The following SPOCK3 variants were observed in gnomAD, a reference collection of about 807,000 sequenced individuals.
SPOCK3 encodes the protein SPARC (osteonectin), cwcv and kazal like domains proteoglycan 3.
A neutral mutation model predicts 56.6 loss-of-function variants in SPOCK3; 30 were observed. The observed-to-expected ratio is 0.53, with a 90% CI of 0.40 to 0.72. The LOEUF (loss-of-function observed/expected upper bound fraction) is 0.72. Ranked by LOEUF, SPOCK3 falls within the 30% of genes least tolerant of loss-of-function variation. SPOCK3 has a pLI of 0.00. For synonymous variants in SPOCK3, 196 were observed against 183.3 expected (o/e 1.07, Z -0.56); for missense variants, 527 against 530.0 (o/e 0.99, Z 0.06).
At chr4:166,903,364 T>A (rs1201090166) in intron 5 of SPOCK3, among the ~76,000 whole-genome samples, 1 of 151,818 alleles carries the variant, frequency 6.6e-6, no homozygotes, top group Non-Finnish European at 1.5e-5. Context: ...TCTGCTCAGC[T>A]GTAGTGTAAT....
chr4:166,955,890 A>G (rs1466463085), intron 4 of SPOCK3, among the ~76,000 whole-genome samples: 1 of 151,774 alleles, frequency 6.6e-6, no homozygotes, highest in East Asian at 1.9e-4. Flanking sequence ...TTTCCTGGAA[A>G]GCGTTCATTT....
rs77432306 is a variant in SPOCK3 at position 166,868,377 on chromosome 4, G to A, written c.589+20753C>T. 4.8e-3 allele frequency among the ~76,000 whole-genome samples: 733 copies of A among 151,996 alleles called. 7 individuals carry two copies. Among genetic ancestry groups the A allele is most frequent in the South Asian group, 0.023 (111 of 4,820 alleles). ...CAGGAGGCTGGGGTGGGAGGATTGC[G>A]TAGGCCCAGGAATAGAGGCTATGGT... On this transcript the variant is annotated intron_variant, in intron 6 of 10. Coordinates refer to ENST00000357545, the MANE Select transcript of SPOCK3 (RefSeq NM_001040159.2).
chr4:167,182,193 T>C (rs1482477814), intron 2 of SPOCK3, among the ~76,000 whole-genome samples: 5 of 152,168 alleles, frequency 3.3e-5, no homozygotes, highest in Non-Finnish European at 7.3e-5. Context: ...AACTTTTTTT[T>C]CCCTTGGTTA....
chr4:166,864,317 T>C (rs1731554077), intron 6 of SPOCK3, among the ~76,000 whole-genome samples: 1 of 151,988 alleles, frequency 6.6e-6, no homozygotes, highest in Non-Finnish European at 1.5e-5. Context: ...TAAATGCCCA[T>C]ATCAGAAGGC....
chr4:167,116,436 AT>A (rs1319464516), intron 2 of SPOCK3, among the ~76,000 whole-genome samples: 2 of 144,160 alleles, frequency 1.4e-5, no homozygotes, highest in African/African-American at 5.1e-5. Flanking sequence ...CACTTTTGTA[AT>A]ATATATATAC....
intron 2 of SPOCK3, among the ~76,000 whole-genome samples, chr4:167,207,962 C>T (rs1288771372): frequency 6.6e-6 from 1 of 152,112 alleles, no homozygotes; most frequent in Admixed American, 6.6e-5. Flanking sequence ...CATTTTAATG[C>T]TAAGCCAAGG....
chr4:167,005,101 T>C (rs1437989985), intron 3 of SPOCK3, among the ~76,000 whole-genome samples: 1 of 152,164 alleles, frequency 6.6e-6, no homozygotes, highest in Non-Finnish European at 1.5e-5. Context: ...CCAACTCTCT[T>C]ATCTTCTTCC....
intron 4 of SPOCK3, among the ~76,000 whole-genome samples, chr4:166,969,962 T>C (rs1000240463): frequency 3.3e-5 from 5 of 152,230 alleles, no homozygotes; most frequent in Non-Finnish European, 7.3e-5. Flanking sequence ...TCTATGTCAA[T>C]ATACACAAAA....
intron 6 of SPOCK3, among the ~76,000 whole-genome samples, chr4:166,879,556 G>C (rs1433836917): frequency 1.3e-5 from 2 of 152,118 alleles, no homozygotes; most frequent in Non-Finnish European, 2.9e-5. Flanking sequence ...AGAACTAAAT[G>C]AAATGACAAA....
At chr4:166,736,915 C>T (rs1734271756) in intron 10 of SPOCK3, among the ~76,000 whole-genome samples, 1 of 152,002 alleles carries the variant, frequency 6.6e-6, no homozygotes, top group Admixed American at 6.6e-5. Context: ...ATGCATGTTC[C>T]TAAAAAAGAA....
In SPOCK3 at chr4:167,103,764, G is replaced by A. The variant is rs545031576; in HGVS notation, c.190-41227C>T. Among the ~76,000 whole-genome samples, 29 of 152,218 alleles carry A rather than the reference G, an allele frequency of 1.9e-4. No homozygotes were observed. The South Asian group carries it at 3.3e-3, about 17-fold the overall frequency. Reference sequence around the variant, plus strand: ...CAAACATAGGCAGTAGCCAGGTAGCGGTTACCATGGGCCTTTGGTGAGACT... The same window carrying A: ...CAAACATAGGCAGTAGCCAGGTAGCAGTTACCATGGGCCTTTGGTGAGACT... On this transcript the variant is annotated intron_variant, in intron 2 of 10. Transcript: ENST00000357545.
At chr4:167,010,324 T>C (rs1749905141) in intron 3 of SPOCK3, among the ~76,000 whole-genome samples, 1 of 151,850 alleles carries the variant, frequency 6.6e-6, no homozygotes. Context: ...AGTTTGAGGC[T>C]ACCCTGGGCA....
intron 3 of SPOCK3, among the ~76,000 whole-genome samples, chr4:167,014,490 A>T (rs976426082): frequency 1.3e-4 from 20 of 152,024 alleles, no homozygotes; most frequent in Non-Finnish European, 2.9e-5. Flanking sequence ...ATCAAAAAAT[A>T]AAATAAAATA....
At chr4:167,014,640 G>C (rs1750429917) in intron 3 of SPOCK3, among the ~76,000 whole-genome samples, 3 of 152,008 alleles carry the variant, frequency 2.0e-5, no homozygotes, top group Admixed American at 2.0e-4. Context: ...GGGTGACAGA[G>C]AGATATCCTG....
At position 166,863,247 on chromosome 4, in the gene SPOCK3, GCTC is replaced by G. The variant is rs942803216; in HGVS notation, c.589+25880_589+25882del. ...GTACCACCAGGCCTGCCTTACAAGA[GCTC>G]CTGAATATGGAAAGGAGCTCTTTCC... On this transcript the variant is annotated intron_variant, in intron 6 of 10. Transcript: ENST00000357545. Among the ~76,000 whole-genome samples the G allele has an allele frequency of 8.5e-4, 129 of 152,096 alleles. 1 individual carries two copies. The highest frequency in any genetic ancestry group is 3.0e-3 in the African/African-American group (124 of 41,512).
At chr4:167,227,706 C>T (rs1020061912) in intron 2 of SPOCK3, among the ~76,000 whole-genome samples, 2 of 151,974 alleles carry the variant, frequency 1.3e-5, no homozygotes, top group African/African-American at 4.8e-5. Context: ...TTACAGAAGT[C>T]AAAGATCAGC....
chr4:167,074,350 G>A lies in SPOCK3; in HGVS notation c.190-11813C>T, dbSNP rs530151771. On this transcript the variant is annotated intron_variant, in intron 2 of 10. Transcript: ENST00000357545. The stretch of plus-strand genomic sequence containing the variant: ...ACGCTGCTGCCTGCAACTCTTCCAC[G>A]TGGCTGAAACTAAGGTGTCAACCAA... Among the ~76,000 whole-genome samples, 7 of 152,062 alleles carry A rather than the reference G, an allele frequency of 4.6e-5. 1 individual carries two copies. The South Asian group carries it at 6.2e-4, about 14-fold the overall frequency.
At chr4:166,812,454 A>G (rs1161708076) in intron 6 of SPOCK3, among the ~76,000 whole-genome samples, 1 of 151,966 alleles carries the variant, frequency 6.6e-6, no homozygotes, top group African/African-American at 2.4e-5. Flanking sequence ...TTCACATAAA[A>G]ATAAAGTGGT....
At chr4:166,752,638 AGAATTTCAG>A (rs1427244757) in intron 8 of SPOCK3, among the ~76,000 whole-genome samples, 2 of 151,724 alleles carry the variant, frequency 1.3e-5, no homozygotes, top group Non-Finnish European at 2.9e-5. Context: ...ACAGTAAACA[AGAATTTCAG>A]GAAAATATTC....
Sources: allele counts gnomAD v4.1 joint callset (sites outside exome capture counted in the v4.1 genomes callset), GRCh38; gene constraint gnomAD v4.1.1; transcripts MANE v1.5; gene names NCBI Gene and HGNC (gene_info 2026-07-23, HGNC 2026-07-21).